Variants in PARP4 observed in about 807,000 individuals in gnomAD.
The protein encoded by PARP4 is poly(ADP-ribose) polymerase family member 4, also known as protein mono-ADP-ribosyltransferase PARP4.
A neutral mutation model predicts 187.7 loss-of-function variants in PARP4; 120 were observed. The ratio of observed to expected loss-of-function variants is 0.64; its 90% CI spans 0.55 to 0.74. PARP4 has a LOEUF of 0.74. PARP4 is among the 30% of genes least tolerant of loss of function. The probability of loss-of-function intolerance (pLI) is 0.00; values close to 1 mark genes in which losing one functional copy is unlikely to be tolerated. For missense variants in PARP4, 1,836 were observed against 2,070.5 expected, an observed-to-expected ratio of 0.89 and a Z score of 2.20; for synonymous variants, 654 against 740.9, an observed-to-expected ratio of 0.88 and a Z score of 1.90.
At chr13:24,490,254 A>G (rs1454546117) in intron 10 of PARP4, among the ~76,000 whole-genome samples, 1 of 149,870 alleles carries the variant, frequency 6.7e-6, no homozygotes, top group Non-Finnish European at 1.5e-5. Flanking sequence ...CCCAAGTGTA[A>G]CTGGTATTTA....
chr13:24,443,660 G>T lies in PARP4; in HGVS notation c.3437C>A (p.Thr1146Asn). The T allele has an allele frequency of 6.2e-7, 1 of 1,607,028 alleles. No homozygotes were observed. Residue 1146 changes from threonine (T) to asparagine (N), a missense_variant, in exon 28 of 34, where the codon ACC becomes AAC. By Grantham distance (65) the Thr-to-Asn change is moderately conservative. Around this residue, in one of 8 missense-constraint regions of PARP4, gnomAD observed 47 missense variants for 99.5 expected, o/e 0.47. Coordinates refer to ENST00000381989, the MANE Select transcript of PARP4 (RefSeq NM_006437.4). ...YEDGILHENE[T>N]SHEMKKQTLK... ...ATGAAAAGAACAAACCTCATGACTG[G>T]TTTCATTTTCGTGAAGAATGCCATC...
At chr13:24,426,653 G>T in intron 32 of PARP4, 55 bp from the exon 33 acceptor site, 4 of 1,486,168 alleles carry the variant, frequency 2.7e-6, no homozygotes, top group Non-Finnish European at 3.7e-6. Context: ...CTCAAACTGT[G>T]CCTGTTTATA....
intron 4 of PARP4, among the ~76,000 whole-genome samples, chr13:24,499,879 G>T (rs989024020): frequency 1.3e-5 from 2 of 152,040 alleles, no homozygotes; most frequent in African/African-American, 4.8e-5. Flanking sequence ...TAATTAACCC[G>T]ATGTTTTGGG....
chr13:24,452,386 A>C lies in PARP4; in HGVS notation c.3014+20T>G. 1 of 1,600,662 alleles carries C rather than the reference A, an allele frequency of 6.2e-7. No homozygotes were observed. The highest frequency in any genetic ancestry group is 8.5e-7 in the Non-Finnish European group (1 of 1,172,844). Reference sequence around the variant, plus strand: ...CCTCCCCGTGGGTCTGGACTATGTGACCAGCTCTCTGAGACTCACCCGATA... The same window carrying C: ...CCTCCCCGTGGGTCTGGACTATGTGCCCAGCTCTCTGAGACTCACCCGATA... On this transcript the variant is annotated intron_variant, in intron 24 of 33. Transcript: ENST00000381989.
intron 30 of PARP4, among the ~76,000 whole-genome samples, chr13:24,439,775 A>T (rs1016163349): frequency 6.6e-6 from 1 of 151,860 alleles, no homozygotes; most frequent in Non-Finnish European, 1.5e-5. Flanking sequence ...GTACATCAGA[A>T]TTTTTTTTTC....
At position 24,488,512 on chromosome 13, in the gene PARP4, C is replaced by A. The variant is rs144347949; in HGVS notation, c.1214+2156G>T. Among the ~76,000 whole-genome samples, 58 of 152,208 alleles carry A rather than the reference C, an allele frequency of 3.8e-4. No individual in the cohort carries two copies. The East Asian group carries it at 0.01, about 26-fold the overall frequency. On this transcript the variant is annotated intron_variant, in intron 10 of 33. Transcript: ENST00000381989. ...GGAACCACAAACGTGTGCCACCATG[C>A]CCGGCTAATTTTTGTATTTTTAGTT...
chr13:24,489,336 G>A (rs11840083), intron 10 of PARP4, among the ~76,000 whole-genome samples: 2,046 of 152,278 alleles, frequency 0.013, 44 homozygotes, highest in African/African-American at 0.046. Flanking sequence ...ATGGCTGGGC[G>A]TGGTGGCTCA....
Position 24,452,551 on chromosome 13 carries a change from G to A in PARP4, c.2869C>T (p.Leu957Phe). The change falls in exon 24 of 34, where the codon CTC becomes TTC. Residue 957 changes from leucine to phenylalanine, a missense_variant. Leu to Phe is a conservative substitution (Grantham distance 22). Transcript: ENST00000381989. ...TMGNTDFWKT[L>F]RYLSLLYPAR... Reference sequence around the variant, plus strand: ...GGGTACAATAAGCTAAGATATCGGAGTGTTTTCCAGAAGTCTGTGTTCCCC... The same window carrying A: ...GGGTACAATAAGCTAAGATATCGGAATGTTTTCCAGAAGTCTGTGTTCCCC... 1 of 1,614,108 alleles carries A rather than the reference G, an allele frequency of 6.2e-7. No individual in the cohort carries two copies. Among genetic ancestry groups the A allele is most frequent in the Non-Finnish European group, 8.5e-7 (1 of 1,179,978 alleles).
intron 32 of PARP4, 138 bp from the exon 33 acceptor site, chr13:24,426,736 A>G (rs1168356603): frequency 1.3e-6 from 1 of 760,628 alleles, no homozygotes; most frequent in African/African-American, 1.8e-5. Flanking sequence ...AAAAAAAAAA[A>G]TACAAAAAAT....
intron 31 of PARP4, 35 bp downstream of exon 31, chr13:24,434,360 C>A: frequency 6.6e-7 from 1 of 1,512,190 alleles, no homozygotes; most frequent in Non-Finnish European, 8.8e-7. Flanking sequence ...ATGAAGCCAG[C>A]CAACCACAGA....
intron 23 of PARP4, among the ~76,000 whole-genome samples, 185 bp from the exon 24 acceptor site, chr13:24,452,778 A>T (rs1387129379): frequency 6.6e-6 from 1 of 152,162 alleles, no homozygotes; most frequent in Non-Finnish European, 1.5e-5. Context: ...AGTAACTATA[A>T]TATTATCACC....
intron 27 of PARP4, among the ~76,000 whole-genome samples, chr13:24,445,536 G>C (rs1871167550): frequency 6.6e-6 from 1 of 152,192 alleles, no homozygotes; most frequent in Non-Finnish European, 1.5e-5. Context: ...TTCTGGGTCA[G>C]CACTCATGTG....
intron 23 of PARP4, among the ~76,000 whole-genome samples, 161 bp from the exon 24 acceptor site, chr13:24,452,754 A>T (rs544200654): frequency 6.6e-6 from 1 of 152,270 alleles, no homozygotes; most frequent in South Asian, 2.1e-4. Flanking sequence ...CTTTTAGTTT[A>T]TTTCATGTCA....
rs374897078 is a variant in PARP4 at position 24,475,488 on chromosome 13, A to T, written c.1898T>A (p.Ile633Lys). 169 of 1,613,936 alleles carry T rather than the reference A, an allele frequency of 1.0e-4. No homozygotes were observed. Among genetic ancestry groups the T allele is most frequent in the Non-Finnish European group, 1.4e-4 (166 of 1,179,888 alleles). Residue 633 changes from isoleucine (I) to lysine (K), a missense_variant, in exon 15 of 34, where the codon ATA (isoleucine) becomes AAA (lysine). By Grantham distance (102) the Ile-to-Lys change is moderately radical. This residue lies in a region of PARP4 where 1,147 missense variants were observed against 1,214.2 expected (regional missense o/e 0.94). Coordinates refer to ENST00000381989, the MANE Select transcript of PARP4 (RefSeq NM_006437.4). ...ACAACATACCTGGGCTACAGTGTCT[A>T]TGATTCTCCCTTTGATGTGGACATC... ...LEDVHIKGRI[I>K]DTVAQVIVFQ...
At chr13:24,439,065 T>A (rs1870783983) in intron 30 of PARP4, among the ~76,000 whole-genome samples, 1 of 152,218 alleles carries the variant, frequency 6.6e-6, no homozygotes, top group Non-Finnish European at 1.5e-5. Flanking sequence ...TCTGGAAGTA[T>A]TAAGATCCAA....
chr13:24,510,571 A>AAAAAAAAAAAT (rs1869961212), intron 1 of PARP4, among the ~76,000 whole-genome samples: 1 of 150,188 alleles, frequency 6.7e-6, no homozygotes, highest in Non-Finnish European at 1.5e-5. Context: ...AAAAAAAAAA[A>AAAAAAAAAAAT]GTGTTCACTA....
At chr13:24,447,356 T>A (rs1871268089) in intron 25 of PARP4, among the ~76,000 whole-genome samples, 170 bp from the exon 26 acceptor site, 1 of 152,256 alleles carries the variant, frequency 6.6e-6, no homozygotes, top group Non-Finnish European at 1.5e-5. Flanking sequence ...CAGAATTTTA[T>A]TTTATTTTAT....
At position 24,477,840 on chromosome 13, in the gene PARP4, G is replaced by A. The variant is rs1234513719; in HGVS notation, c.1650C>T (p.Val550=). Residue 550 remains valine (V), a synonymous_variant, in exon 14 of 34, where the codon GTC becomes GTT. Coordinates refer to ENST00000381989, the MANE Select transcript of PARP4 (RefSeq NM_006437.4). Reference sequence around the variant, plus strand: ...TCATTTTAACCTGATTGGTTTTATAGACAACAAATTCATCATCCTAGAGCA... The same window carrying A: ...TCATTTTAACCTGATTGGTTTTATAAACAACAAATTCATCATCCTAGAGCA... ...TTDFEDDEFV[V]YKTNQVKMKY... 13 of 1,577,932 alleles carry A rather than the reference G, an allele frequency of 8.2e-6. No individual in the cohort carries two copies. Among genetic ancestry groups the A allele is most frequent in the Non-Finnish European group, 1.1e-5 (13 of 1,165,066 alleles).
intron 3 of PARP4, among the ~76,000 whole-genome samples, chr13:24,501,112 C>T (rs545830610): frequency 1.3e-5 from 2 of 152,288 alleles, no homozygotes; most frequent in Admixed American, 6.5e-5. Flanking sequence ...ATACCGTGTG[C>T]TTACTGTGAG....
Sources: allele counts gnomAD v4.1 joint callset (sites outside exome capture counted in the v4.1 genomes callset), GRCh38; gene constraint gnomAD v4.1.1; regional missense constraint gnomAD v4.1.1; transcripts MANE v1.5; gene names NCBI Gene and HGNC (gene_info 2026-07-23, HGNC 2026-07-21).